Variants in YIPF5 observed in about 807,000 individuals in gnomAD.
YIPF5 encodes the protein protein YIPF5.
In YIPF5, 8 loss-of-function variants were observed where a neutral mutation model predicts 30.4. That is an observed-to-expected ratio of 0.26 (90% CI 0.15 to 0.47). The LOEUF (loss-of-function observed/expected upper bound fraction) is 0.47. Among genes scored for constraint, YIPF5 ranks in the 20% least tolerant of loss-of-function variants. YIPF5 has a pLI of 0.99. For missense variants in YIPF5, 282 were observed against 301.8 expected, an observed-to-expected ratio of 0.93 and a Z score of 0.49; for synonymous variants, 104 against 107.9, an observed-to-expected ratio of 0.96 and a Z score of 0.23.
At chr5:144,168,590 C>T (rs1158674070) in intron 2 of YIPF5, among the ~76,000 whole-genome samples, 1 of 152,180 alleles carries the variant, frequency 6.6e-6, no homozygotes, top group Non-Finnish European at 1.5e-5. Flanking sequence ...GATAAATCCT[C>T]ATTGGTATGT....
At position 144,162,375 on chromosome 5, in the gene YIPF5, C is replaced by T. The variant is rs777274412; in HGVS notation, c.454G>A (p.Val152Ile). 1.2e-6 allele frequency: 2 copies of T among 1,612,272 alleles called. No homozygotes were observed. Among genetic ancestry groups the T allele is most frequent in the Non-Finnish European group, 1.7e-6 (2 of 1,179,190 alleles). ...CATCCAATTGCACTGATCCCGTATA[C>T]ATAGCCAAACTGGATTTTGCCAGCC... ...LLAGKIQFGY[V>I]YGISAIGCLG... Residue 152 changes from valine to isoleucine, a missense_variant, in exon 5 of 6, where the codon GTA (valine) becomes ATA (isoleucine). Val to Ile is a conservative substitution (Grantham distance 29). Transcript: ENST00000274496.
intron 2 of YIPF5, among the ~76,000 whole-genome samples, chr5:144,165,856 A>T (rs868802850): frequency 2.6e-5 from 4 of 152,190 alleles, no homozygotes; most frequent in Non-Finnish European, 5.9e-5. Context: ...ACATAGCACT[A>T]AGCATTTTAC....
rs372885688 is a variant in YIPF5, at chr5:144,165,526, G to C, written c.189C>G (p.Thr63=). The C allele has an allele frequency of 6.2e-7, 1 of 1,614,096 alleles. No individual in the cohort carries two copies. The highest frequency in any genetic ancestry group is 2.2e-5 in the East Asian group (1 of 44,862). Residue 63 remains threonine, a synonymous_variant, in exon 3 of 6, where the codon ACC becomes ACG. Transcript: ENST00000274496. Reference sequence around the variant, plus strand: ...CCTGAGTTGGCTGGTAAATCTGCCCGGTGTATGGCTGTTGTGGCTGCATCA... The same window carrying C: ...CCTGAGTTGGCTGGTAAATCTGCCCCGTGTATGGCTGTTGTGGCTGCATCA... ...PDMMQPQQPY[T]GQIYQPTQAY...
chr5:144,164,321 T>C (rs1752137575), intron 3 of YIPF5, 65 bp from the exon 4 acceptor site: 2 of 1,436,948 alleles, frequency 1.4e-6, no homozygotes, highest in Middle Eastern at 1.9e-4. Context: ...CATCAAAATC[T>C]ATCCTGAAAC....
rs1196505929 is a variant in YIPF5, at chr5:144,159,957, C to G, written c.*440G>C. ...TCTCCTGCCCTTGTGATCCGCCCGC[C>G]TCGGCCTCCCAAAGTGCTGGGATTA... On this transcript the variant is annotated 3_prime_UTR_variant, in exon 6 of 6. Transcript: ENST00000274496. 8.3e-6 allele frequency: 8 copies of G among 960,174 alleles called. No individual in the cohort carries two copies. The highest frequency in any genetic ancestry group is 4.8e-5 in the South Asian group (1 of 20,798). The allele number at this position is 960,174 out of a possible 1,614,324, so 59.5% of individuals were successfully genotyped here. A position where few individuals can be genotyped will look rare whatever the true frequency, so the allele number is the denominator to read the frequency against.
At position 144,159,714 on chromosome 5, in the gene YIPF5, T is replaced by C; in HGVS notation, c.*683A>G. 1 of 982,272 alleles carries C rather than the reference T, an allele frequency of 1.0e-6. No homozygotes were observed. The highest frequency in any genetic ancestry group is 1.2e-6 in the Non-Finnish European group (1 of 827,612). 60.8% of individuals were successfully genotyped at this position (982,272 alleles called of 1,614,324 possible). On this transcript the variant is annotated 3_prime_UTR_variant, in exon 6 of 6. Coordinates refer to ENST00000274496, the MANE Select transcript of YIPF5 (RefSeq NM_030799.9). ...AGTAAGTCTTGTGTCTCCTTTTTTT[T>C]TTTTTTTTGAGACAGAGTCTCACCC...
chr5:144,167,834 T>C (rs778999363), intron 2 of YIPF5, among the ~76,000 whole-genome samples: 4 of 152,196 alleles, frequency 2.6e-5, no homozygotes, highest in African/African-American at 7.2e-5. Flanking sequence ...TTTTCACCAA[T>C]GGAGAGCTAA....
chr5:144,168,944 G>A (rs1752277267), intron 2 of YIPF5, among the ~76,000 whole-genome samples: 1 of 152,184 alleles, frequency 6.6e-6, no homozygotes, highest in Non-Finnish European at 1.5e-5. Flanking sequence ...GATCCATGAT[G>A]AACATCATTT....
In YIPF5 at chr5:144,158,902, T is replaced by C. The variant is rs1396742419; in HGVS notation, c.*1495A>G. ...ATCATTTTGACATTTCTATTTAGTC[T>C]GAAAATCTCTTTAAAAAAAAAAAAA... On this transcript the variant is annotated 3_prime_UTR_variant, in exon 6 of 6. Transcript: ENST00000274496. 1.4e-5 allele frequency: 14 copies of C among 981,010 alleles called. No homozygotes were observed. Among genetic ancestry groups the C allele is most frequent in the Non-Finnish European group, 1.6e-5 (13 of 829,200 alleles). 60.8% of individuals were successfully genotyped at this position (981,010 alleles called of 1,614,324 possible).
intron 5 of YIPF5, among the ~76,000 whole-genome samples, chr5:144,160,965 G>C (rs987292213): frequency 5.9e-5 from 9 of 152,070 alleles, no homozygotes; most frequent in Non-Finnish European, 1.2e-4. Context: ...ATTGTCAAAT[G>C]TCCCCTTGGA....
At chr5:144,169,407 ACAT>A (rs1293516308) in intron 2 of YIPF5, among the ~76,000 whole-genome samples, 1 of 152,244 alleles carries the variant, frequency 6.6e-6, no homozygotes, top group Non-Finnish European at 1.5e-5. Context: ...TAAGGAGCTT[ACAT>A]CATTAAATAA....
rs1368755715 is a variant in YIPF5 at position 144,159,577 on chromosome 5, T to G, written c.*820A>C. The G allele has an allele frequency of 5.1e-6, 5 of 985,330 alleles. No homozygotes were observed. The highest frequency in any genetic ancestry group is 6.0e-6 in the Non-Finnish European group (5 of 829,942). The allele number at this position is 985,330 out of a possible 1,614,324, so 61.0% of individuals were successfully genotyped here. A position where few individuals can be genotyped will look rare whatever the true frequency, so the allele number is the denominator to read the frequency against. ...AGATAATTTACAGTAATGTCAAATT[T>G]TTGGAGTGCAAACTCATACTCTACA... On this transcript the variant is annotated 3_prime_UTR_variant, in exon 6 of 6. Coordinates refer to ENST00000274496, the MANE Select transcript of YIPF5 (RefSeq NM_030799.9).
rs1005306084 is a variant in YIPF5 at position 144,161,237 on chromosome 5, G to T, written c.612-678C>A. Reference sequence around the variant, plus strand: ...GTAACAAAGCCTGACCACTGGTAATGTCTAACACTAGTCACATGGAGGATT... The same window carrying T: ...GTAACAAAGCCTGACCACTGGTAATTTCTAACACTAGTCACATGGAGGATT... On this transcript the variant is annotated intron_variant, in intron 5 of 5. Coordinates refer to ENST00000274496, the MANE Select transcript of YIPF5 (RefSeq NM_030799.9). 7.3e-5 allele frequency among the ~76,000 whole-genome samples: 11 copies of T among 149,982 alleles called. No homozygotes were observed. The East Asian group carries it at 2.2e-3, about 29-fold the overall frequency.
chr5:144,166,523 T>A (rs1212416268), intron 2 of YIPF5, among the ~76,000 whole-genome samples: 1 of 152,212 alleles, frequency 6.6e-6, no homozygotes, highest in Non-Finnish European at 1.5e-5. Flanking sequence ...AAACCTTTAG[T>A]CTAATTCCCA....
chr5:144,166,595 T>C lies in YIPF5; in HGVS notation c.111-991A>G, dbSNP rs186175052. 4.3e-3 allele frequency among the ~76,000 whole-genome samples: 657 copies of C among 152,310 alleles called. 4 individuals carry two copies. Among genetic ancestry groups the C allele is most frequent in the Middle Eastern group, 0.014 (4 of 294 alleles). On this transcript the variant is annotated intron_variant, in intron 2 of 5. Coordinates refer to ENST00000274496, the MANE Select transcript of YIPF5 (RefSeq NM_030799.9). ...TTGGGGTGAGGCTCTCTATTCGTTT[T>C]TGAGAAAATATCTGCCAAATGCTCA...
intron 4 of YIPF5, chr5:144,163,880 C>A: frequency 8.3e-6 from 3 of 361,644 alleles, no homozygotes; most frequent in Middle Eastern, 8.1e-4. Context: ...TTTGTTTTTT[C>A]CCCTAATAAT....
In YIPF5 at chr5:144,160,081, T is replaced by G. The variant is rs777322709; in HGVS notation, c.*316A>C. ...CAGCTTTGTGTTTGGTTTCCCACAGTTGATAAAAATCTATCAAAAACATTA... is the reference window on the plus strand; with the variant it reads ...CAGCTTTGTGTTTGGTTTCCCACAGGTGATAAAAATCTATCAAAAACATTA... On this transcript the variant is annotated 3_prime_UTR_variant, in exon 6 of 6. Transcript: ENST00000274496. The G allele has an allele frequency of 9.8e-7, 1 of 1,023,734 alleles. No individual in the cohort carries two copies. The highest frequency in any genetic ancestry group is 1.7e-5 in the African/African-American group (1 of 58,642). 63.4% of individuals were successfully genotyped at this position (1,023,734 alleles called of 1,614,324 possible).
rs1350829046 is a variant in YIPF5 at position 144,165,619 on chromosome 5, A to C, written c.111-15T>G. Reference sequence around the variant, plus strand: ...CAGCATACTGTCTATAAATGAAAGAAAGTTAAATTTTTCAGAGGTATTTCA... The same window carrying C: ...CAGCATACTGTCTATAAATGAAAGACAGTTAAATTTTTCAGAGGTATTTCA... On this transcript the variant is annotated splice_polypyrimidine_tract_variant and intron_variant, in intron 2 of 5. Transcript: ENST00000274496. 1.2e-6 allele frequency: 2 copies of C among 1,612,516 alleles called. No individual in the cohort carries two copies. Among genetic ancestry groups the C allele is most frequent in the Non-Finnish European group, 1.7e-6 (2 of 1,178,898 alleles).
At chr5:144,163,260 C>T (rs1752101295) in intron 4 of YIPF5, among the ~76,000 whole-genome samples, 1 of 152,084 alleles carries the variant, frequency 6.6e-6, no homozygotes, top group African/African-American at 2.4e-5. Flanking sequence ...ATTATTGGGA[C>T]TTTTATTAGA....
Sources: gnomAD v4.1 joint callset for allele counts (sites outside exome capture counted in the v4.1 genomes callset) on GRCh38, gnomAD v4.1.1 for gene constraint, MANE v1.5 for transcripts, NCBI Gene and HGNC (gene_info 2026-07-23, HGNC 2026-07-21) for gene names.